Variants in DIAPH3 observed in about 807,000 individuals in gnomAD.
DIAPH3 encodes protein diaphanous homolog 3.
In DIAPH3, 117 loss-of-function variants were observed where a neutral mutation model predicts 144.3. The ratio of observed to expected loss-of-function variants is 0.81; its 90% confidence interval spans 0.70 to 0.95. DIAPH3 has a LOEUF of 0.95. DIAPH3 is among the 40% of genes least tolerant of loss of function. DIAPH3 has a pLI of 0.00. For missense variants in DIAPH3, 1,421 were observed against 1,412.7 expected (o/e 1.01, Z -0.09); for synonymous variants, 519 against 488.9 (o/e 1.06, Z -0.81).
At chr13:59,946,434 T>C (rs1458816266) in intron 17 of DIAPH3, among the ~76,000 whole-genome samples, 1 of 152,202 alleles carries the variant, frequency 6.6e-6, no homozygotes, top group Non-Finnish European at 1.5e-5. Flanking sequence ...ATTCTTTACA[T>C]TGTTCATTTC....
chr13:59,999,799 C>T (rs1198749405), intron 9 of DIAPH3, among the ~76,000 whole-genome samples: 1 of 152,080 alleles, frequency 6.6e-6, no homozygotes, highest in Non-Finnish European at 1.5e-5. Context: ...GTTCTCCCAG[C>T]CTCCCCCAGC....
intron 12 of DIAPH3, among the ~76,000 whole-genome samples, chr13:59,989,304 T>C (rs759865111): frequency 8.0e-4 from 121 of 151,848 alleles, no homozygotes; most frequent in Middle Eastern, 3.4e-3. Context: ...AATAAATGCA[T>C]GACAAAAATA....
chr13:60,041,080 C>G (rs1200989726), intron 5 of DIAPH3, among the ~76,000 whole-genome samples: 1 of 150,962 alleles, frequency 6.6e-6, no homozygotes, highest in Non-Finnish European at 1.5e-5. Context: ...TCCCAAAGTG[C>G]TGGGATTACA....
intron 20 of DIAPH3, among the ~76,000 whole-genome samples, chr13:59,897,701 T>G (rs1427178058): frequency 2.0e-5 from 3 of 147,952 alleles, no homozygotes; most frequent in Non-Finnish European, 4.5e-5. Context: ...TGAGCCAAGA[T>G]CACGCCATTG....
At chr13:59,926,924 A>C (rs2047779272) in intron 17 of DIAPH3, among the ~76,000 whole-genome samples, 1 of 152,158 alleles carries the variant, frequency 6.6e-6, no homozygotes, top group Non-Finnish European at 1.5e-5. Flanking sequence ...CTGAAAGTTA[A>C]ATTCTCCAAC....
intron 17 of DIAPH3, among the ~76,000 whole-genome samples, chr13:59,932,152 C>T (rs2048051970): frequency 6.6e-6 from 1 of 152,050 alleles, no homozygotes; most frequent in African/African-American, 2.4e-5. Context: ...ATTTTATTTT[C>T]TTGTCTTTAT....
At chr13:59,759,424 C>T (rs867428147) in intron 27 of DIAPH3, among the ~76,000 whole-genome samples, 1 of 152,126 alleles carries the variant, frequency 6.6e-6, no homozygotes. Flanking sequence ...GCAGAAGACA[C>T]AGAGTTAATT....
intron 14 of DIAPH3, among the ~76,000 whole-genome samples, chr13:59,978,749 T>C (rs1167252807): frequency 2.0e-5 from 3 of 151,688 alleles, no homozygotes; most frequent in Non-Finnish European, 4.4e-5. Flanking sequence ...AAAACTGATA[T>C]GATAGCCTTC....
intron 24 of DIAPH3, among the ~76,000 whole-genome samples, chr13:59,824,049 T>C (rs947840435): frequency 5.9e-5 from 9 of 152,070 alleles, no homozygotes; most frequent in Non-Finnish European, 8.8e-5. Flanking sequence ...CAAATCTTTA[T>C]CTAGATGAAA....
chr13:59,981,581 A>G (rs781594700), intron 13 of DIAPH3, among the ~76,000 whole-genome samples: 1 of 151,114 alleles, frequency 6.6e-6, no homozygotes, highest in Non-Finnish European at 1.5e-5. Context: ...GTTATGATAT[A>G]TATACATGAT....
chr13:59,666,313 G>A lies in DIAPH3; in HGVS notation c.*271C>T, dbSNP rs2032000278. On this transcript the variant is annotated 3_prime_UTR_variant, in exon 28 of 28. Coordinates refer to ENST00000400324, the MANE Select transcript of DIAPH3 (RefSeq NM_001042517.2). The stretch of plus-strand genomic sequence containing the variant: ...ACCTACCTGCTCTCTAAAGCAATAT[G>A]TATAATTTAACCACCAAATAAAGAA... The A allele has an allele frequency of 5.4e-6, 2 of 369,436 alleles. No individual in the cohort carries two copies. Among genetic ancestry groups the A allele is most frequent in the African/African-American group, 4.7e-5 (2 of 42,604 alleles). The allele number at this position is 369,436 out of a possible 1,614,324, so 22.9% of individuals were successfully genotyped here.
intron 24 of DIAPH3, among the ~76,000 whole-genome samples, chr13:59,817,793 T>C (rs549056003): frequency 2.8e-4 from 42 of 152,082 alleles, no homozygotes; most frequent in Non-Finnish European, 5.7e-4. Flanking sequence ...GTTATCCTTG[T>C]ATTTTTATTA....
At chr13:60,064,423 A>C (rs1403641046) in intron 4 of DIAPH3, among the ~76,000 whole-genome samples, 1 of 152,230 alleles carries the variant, frequency 6.6e-6, no homozygotes, top group East Asian at 1.9e-4. Context: ...CAGCTGCTAC[A>C]TCAGCATTTG....
intron 1 of DIAPH3, among the ~76,000 whole-genome samples, chr13:60,162,304 C>T (rs1952328379): frequency 6.6e-6 from 1 of 152,162 alleles, no homozygotes; most frequent in African/African-American, 2.4e-5. Flanking sequence ...CAGAAAATAA[C>T]ACCTCCTGTA....
At chr13:60,052,974 A>AAAAAAAAAAAAAAAAC (rs1220528504) in intron 4 of DIAPH3, among the ~76,000 whole-genome samples, 1 of 147,668 alleles carries the variant, frequency 6.8e-6, no homozygotes, top group Non-Finnish European at 1.5e-5. Context: ...AAAAAAAAAA[A>AAAAAAAAAAAAAAAAC]AAAAAAGAAA....
At chr13:59,740,094 G>A (rs2036372592) in intron 27 of DIAPH3, among the ~76,000 whole-genome samples, 1 of 152,084 alleles carries the variant, frequency 6.6e-6, no homozygotes, top group African/African-American at 2.4e-5. Flanking sequence ...TGAAACTTCA[G>A]CAGATATACA....
chr13:59,785,334 C>G (rs1284954878), intron 25 of DIAPH3, among the ~76,000 whole-genome samples: 2 of 151,978 alleles, frequency 1.3e-5, no homozygotes, highest in African/African-American at 4.8e-5. Flanking sequence ...GAATATTTTA[C>G]AAGAAAGGAA....
intron 3 of DIAPH3, among the ~76,000 whole-genome samples, chr13:60,107,608 T>C (rs974246667): frequency 1.3e-5 from 2 of 152,148 alleles, no homozygotes; most frequent in South Asian, 2.1e-4. Flanking sequence ...GTCATCTAAG[T>C]TCTTACTACC....
intron 13 of DIAPH3, among the ~76,000 whole-genome samples, chr13:59,983,231 G>C (rs554749820): frequency 4.0e-5 from 6 of 149,636 alleles, no homozygotes; most frequent in South Asian, 2.1e-4. Flanking sequence ...AAGGCTTCGG[G>C]GGGGACAGGC....
Sources: gnomAD v4.1 joint callset for allele counts (sites outside exome capture counted in the v4.1 genomes callset) on GRCh38, gnomAD v4.1.1 for gene constraint, MANE v1.5 for transcripts, NCBI Gene and HGNC (gene_info 2026-07-23, HGNC 2026-07-21) for gene names.